RNF180: variants seen among roughly 807,000 people sequenced by gnomAD.
RNF180 encodes the protein E3 ubiquitin-protein ligase RNF180.
RNF180 carries 38 observed loss-of-function variants against 59.2 expected under a neutral mutation model. That is an observed-to-expected ratio of 0.64 (90% confidence interval 0.50 to 0.84). The LOEUF is 0.84. RNF180 is among the 40% of genes least tolerant of loss of function. The pLI is 0.00. For missense variants in RNF180, 705 were observed against 700.9 expected, an observed-to-expected ratio of 1.01 and a Z score of -0.07; for synonymous variants, 262 against 240.3, an observed-to-expected ratio of 1.09 and a Z score of -0.84.
chr5:64,283,658 C>T (rs1456923934), intron 5 of RNF180, among the ~76,000 whole-genome samples: 2 of 152,100 alleles, frequency 1.3e-5, no homozygotes, highest in Non-Finnish European at 2.9e-5. Context: ...TGGCATTTCC[C>T]ATGCTTGCAC....
chr5:64,358,014 A>C (rs981684884), intron 7 of RNF180, among the ~76,000 whole-genome samples: 1 of 151,896 alleles, frequency 6.6e-6, no homozygotes, highest in Admixed American at 6.6e-5. Flanking sequence ...TTGTTTTTCC[A>C]TGTGGGAAAA....
intron 5 of RNF180, among the ~76,000 whole-genome samples, chr5:64,309,574 TGTG>T (rs1743652118): frequency 6.6e-6 from 1 of 151,592 alleles, no homozygotes; most frequent in Non-Finnish European, 1.5e-5. Flanking sequence ...TTTCACCAAA[TGTG>T]GTTCTAATAT....
intron 5 of RNF180, among the ~76,000 whole-genome samples, chr5:64,276,180 CAAAGGCCAAAAATTTAATA>C (rs1348105643): frequency 1.3e-5 from 2 of 152,050 alleles, no homozygotes; most frequent in African/African-American, 4.8e-5. Flanking sequence ...TTCTGAAAAT[CAAAGGCCAAAAATTTAATA>C]ATTTAATTTC....
intron 7 of RNF180, among the ~76,000 whole-genome samples, chr5:64,368,459 C>T (rs571380805): frequency 2.0e-5 from 3 of 151,874 alleles, no homozygotes; most frequent in East Asian, 2.0e-4. Flanking sequence ...AGTTAAATGA[C>T]TTGCCCCAGC....
chr5:64,358,078 G>A (rs1462747583), intron 7 of RNF180, among the ~76,000 whole-genome samples: 1 of 151,796 alleles, frequency 6.6e-6, no homozygotes, highest in African/African-American at 2.4e-5. Flanking sequence ...AGTTTTATTA[G>A]TTACTTCATT....
chr5:64,186,387 T>C (rs1459630814), intron 1 of RNF180, among the ~76,000 whole-genome samples: 1 of 152,132 alleles, frequency 6.6e-6, no homozygotes, highest in East Asian at 1.9e-4. Context: ...TATTTCCCCT[T>C]CTAAGAAGTC....
rs2112119856 is a variant in RNF180, at chr5:64,214,292, C to T, written c.966C>T (p.Asp322=). 1 of 1,614,034 alleles carries T rather than the reference C, an allele frequency of 6.2e-7. No homozygotes were observed. The highest frequency in any genetic ancestry group is 1.3e-5 in the African/African-American group (1 of 75,030). The change falls in exon 4 of 8, where the codon GAC becomes GAT. Residue 322 remains aspartate, a synonymous_variant. Coordinates refer to ENST00000389100, the MANE Select transcript of RNF180 (RefSeq NM_001113561.2). ...TAGAAGCTGCTTCAGTGTATTCTGACCATACTAATACTAACAATCTGACTT... is the reference window on the plus strand; with the variant it reads ...TAGAAGCTGCTTCAGTGTATTCTGATCATACTAATACTAACAATCTGACTT... ...CGLEAASVYS[D]HTNTNNLTFL...
intron 7 of RNF180, among the ~76,000 whole-genome samples, chr5:64,340,198 A>G (rs943791961): frequency 6.6e-6 from 1 of 152,216 alleles, no homozygotes; most frequent in African/African-American, 2.4e-5. Context: ...GGTTTCACTA[A>G]AACATTTTTG....
At position 64,325,379 on chromosome 5, in the gene RNF180, G is replaced by A. The variant is rs1050453464; in HGVS notation, c.1421G>A (p.Arg474Gln). The A allele has an allele frequency of 1.6e-5, 25 of 1,551,116 alleles. No homozygotes were observed. The highest frequency in any genetic ancestry group is 4.9e-5 in the East Asian group (2 of 40,910). Reference sequence around the variant, plus strand: ...TCAAGCACTCCATGCCCATTGTGTCGGACAATTATTTCTAGAGTCTTTTTC... The same window carrying A: ...TCAAGCACTCCATGCCCATTGTGTCAGACAATTATTTCTAGAGTCTTTTTC... ...NPSSTPCPLC[R>Q]TIISRVFFQT... Residue 474 changes from arginine to glutamine, a missense_variant, in exon 6 of 8, where the codon CGG becomes CAG. Coordinates refer to ENST00000389100, the MANE Select transcript of RNF180 (RefSeq NM_001113561.2).
chr5:64,362,068 A>T (rs1746276611), intron 7 of RNF180, among the ~76,000 whole-genome samples: 1 of 151,002 alleles, frequency 6.6e-6, no homozygotes, highest in Non-Finnish European at 1.5e-5. Flanking sequence ...TTAAACTTAA[A>T]TTTAATTTAT....
chr5:64,246,120 G>C (rs1322675266), intron 5 of RNF180, among the ~76,000 whole-genome samples: 2 of 152,110 alleles, frequency 1.3e-5, no homozygotes. Context: ...CTAAAGCAGT[G>C]TTTAAAGGGA....
chr5:64,192,189 A>G (rs1283729426), intron 1 of RNF180, among the ~76,000 whole-genome samples: 1 of 151,472 alleles, frequency 6.6e-6, no homozygotes, highest in Non-Finnish European at 1.5e-5. Context: ...GAAGACATAC[A>G]AATGGCCACT....
chr5:64,351,449 G>A (rs1248739817), intron 7 of RNF180, among the ~76,000 whole-genome samples: 1 of 151,976 alleles, frequency 6.6e-6, no homozygotes, highest in East Asian at 1.9e-4. Flanking sequence ...TGTTGAATAG[G>A]AGTGGTGAGA....
intron 7 of RNF180, among the ~76,000 whole-genome samples, chr5:64,332,604 AAT>A (rs1285370743): frequency 6.6e-6 from 1 of 152,258 alleles, no homozygotes; most frequent in Non-Finnish European, 1.5e-5. Context: ...AACTAATTGG[AAT>A]ATAAAAATAT....
chr5:64,207,971 A>C (rs1246999873), intron 2 of RNF180, among the ~76,000 whole-genome samples: 1 of 152,130 alleles, frequency 6.6e-6, no homozygotes, highest in African/African-American at 2.4e-5. Flanking sequence ...GCAAAGGGTT[A>C]AACATCTTCC....
intron 7 of RNF180, among the ~76,000 whole-genome samples, chr5:64,332,786 G>C (rs1402803072): frequency 6.6e-6 from 1 of 152,136 alleles, no homozygotes; most frequent in Non-Finnish European, 1.5e-5. Flanking sequence ...TGACATTATG[G>C]GACCTGGTAG....
intron 1 of RNF180, among the ~76,000 whole-genome samples, chr5:64,195,470 A>G (rs945644351): frequency 1.3e-5 from 2 of 152,218 alleles, no homozygotes; most frequent in Non-Finnish European, 2.9e-5. Context: ...GCATCAGGGA[A>G]CAAACTTGCT....
rs146129651 is a variant in RNF180, at chr5:64,361,348, TTAA to T, written c.1580-8264_1580-8262del. Among the ~76,000 whole-genome samples the T allele has an allele frequency of 1.2e-3, 186 of 151,578 alleles. 2 individuals carry two copies. The highest frequency in any genetic ancestry group is 2.2e-3 in the Admixed American group (34 of 15,144). Reference sequence around the variant, plus strand: ...AGGAAAGAAAATCAATTTAATAAAATTAATATTATTCAACAGTAGAAAAATTCA... The same window carrying T: ...AGGAAAGAAAATCAATTTAATAAAATTATTATTCAACAGTAGAAAAATTCA... On this transcript the variant is annotated intron_variant, in intron 7 of 7. Transcript: ENST00000389100.
chr5:64,293,577 A>G (rs1742723670), intron 5 of RNF180, among the ~76,000 whole-genome samples: 1 of 152,014 alleles, frequency 6.6e-6, no homozygotes, highest in Non-Finnish European at 1.5e-5. Flanking sequence ...AAAATTCTTA[A>G]TCTACCATAG....
Sources: allele counts gnomAD v4.1 joint callset (sites outside exome capture counted in the v4.1 genomes callset), GRCh38; gene constraint gnomAD v4.1.1; transcripts MANE v1.5; gene names NCBI Gene and HGNC (gene_info 2026-07-23, HGNC 2026-07-21).